ETS1: variants seen among roughly 807,000 people sequenced by gnomAD.
The protein encoded by ETS1 is ETS proto-oncogene 1, transcription factor.
In ETS1, 15 loss-of-function variants were observed where a neutral mutation model predicts 58.6. The ratio of observed to expected loss-of-function variants is 0.26; its 90% CI spans 0.17 to 0.39. The LOEUF (loss-of-function observed/expected upper bound fraction) is 0.39. ETS1 is among the 10% of genes least tolerant of loss of function. The pLI is 1.00. For synonymous variants in ETS1, 214 were observed against 218.2 expected, an observed-to-expected ratio of 0.98 and a Z score of 0.17; for missense variants, 417 against 610.5, an observed-to-expected ratio of 0.68 and a Z score of 3.34.
chr11:128,475,330 T>C (rs1862292627), intron 8 of ETS1, among the ~76,000 whole-genome samples: 1 of 152,370 alleles, frequency 6.6e-6, no homozygotes, highest in East Asian at 1.9e-4. Flanking sequence ...GCACTTCCTT[T>C]TGCAGTAAAG....
chr11:128,585,168 G>GAAAGAGAA (rs1181258711), intron 1 of ETS1, among the ~76,000 whole-genome samples: 14 of 8,380 alleles, frequency 1.7e-3, no homozygotes, highest in Non-Finnish European at 2.1e-3. Flanking sequence ...AAGAAAGAAA[G>GAAAGAGAA]AGAAAGAAAG....
At chr11:128,503,026 G>A (rs978317884) in intron 3 of ETS1, among the ~76,000 whole-genome samples, 2 of 152,172 alleles carry the variant, frequency 1.3e-5, no homozygotes, top group South Asian at 2.1e-4. Context: ...ATCTCCCAGA[G>A]GCAAGAAATT....
intron 8 of ETS1, among the ~76,000 whole-genome samples, chr11:128,476,294 A>T (rs949902942): frequency 6.6e-6 from 1 of 152,218 alleles, no homozygotes; most frequent in Non-Finnish European, 1.5e-5. Context: ...TCCCTCCCAC[A>T]TACCCCTAAC....
intron 3 of ETS1, among the ~76,000 whole-genome samples, chr11:128,508,555 A>T (rs766822171): frequency 4.6e-5 from 7 of 152,190 alleles, no homozygotes; most frequent in African/African-American, 9.7e-5. Flanking sequence ...CAGGGACTCA[A>T]TTACTTACTA....
intron 3 of ETS1, among the ~76,000 whole-genome samples, chr11:128,508,405 A>G (rs1449063609): frequency 2.6e-5 from 4 of 152,336 alleles, no homozygotes; most frequent in Middle Eastern, 3.4e-3. Context: ...TAATTTGTCT[A>G]AGGAAAAATT....
At position 128,471,291 on chromosome 11, in the gene ETS1, G is replaced by T. The variant is rs148278570; in HGVS notation, c.1124-7664C>A. Among the ~76,000 whole-genome samples the T allele has an allele frequency of 2.0e-5, 3 of 152,352 alleles. No homozygotes were observed. The East Asian group carries it at 5.8e-4, about 29-fold the overall frequency. ...CCCACCTGGAACAGGGTTAAGTGAG[G>T]CTTATTTGGCCAGTCTGACTTGGGT... is the stretch of plus-strand genomic sequence containing the variant. On this transcript the variant is annotated intron_variant, in intron 8 of 9. Transcript: ENST00000392668.
chr11:128,555,363 G>A lies in ETS1; in HGVS notation c.214+928C>T, dbSNP rs201006913. ...GGGTAAAATAACACTGAACCAAAAA[G>A]TAGCCTTCAAGTTAGTGACTCCCCC... On this transcript the variant is annotated intron_variant, in intron 3 of 9. Coordinates refer to ENST00000392668, the MANE Select transcript of ETS1 (RefSeq NM_001143820.2). Among the ~76,000 whole-genome samples the A allele has an allele frequency of 3.3e-5, 5 of 152,168 alleles. No individual in the cohort carries two copies. The East Asian group carries it at 9.6e-4, about 29-fold the overall frequency.
intron 3 of ETS1, among the ~76,000 whole-genome samples, chr11:128,520,218 A>G (rs1863628918): frequency 6.6e-6 from 1 of 152,220 alleles, no homozygotes; most frequent in Non-Finnish European, 1.5e-5. Flanking sequence ...CACCATATAC[A>G]TTGTCTCTAA....
intron 3 of ETS1, chr11:128,504,873 T>C (rs762490485): frequency 2.0e-5 from 3 of 152,250 alleles, no homozygotes; most frequent in Non-Finnish European, 4.4e-5. Flanking sequence ...ATAAATATGA[T>C]GGGATTTTAC....
At chr11:128,584,858 G>A (rs1864941769) in intron 1 of ETS1, among the ~76,000 whole-genome samples, 1 of 148,614 alleles carries the variant, frequency 6.7e-6, no homozygotes, top group Middle Eastern at 3.4e-3. Flanking sequence ...AGGGAGGAAA[G>A]GGAAGGAGGA....
chr11:128,517,860 G>GA (rs1378523638), intron 3 of ETS1, among the ~76,000 whole-genome samples: 13 of 150,588 alleles, frequency 8.6e-5, no homozygotes, highest in South Asian at 6.3e-4. Context: ...CTCTTTAAGA[G>GA]AAAAAAAAAG....
chr11:128,503,519 T>C (rs1205230112), intron 3 of ETS1, among the ~76,000 whole-genome samples: 1 of 152,192 alleles, frequency 6.6e-6, no homozygotes. Flanking sequence ...AACATACTAG[T>C]ACATCTTTCA....
At chr11:128,485,931 A>G in intron 6 of ETS1, 138 bp downstream of exon 6, 3 of 612,366 alleles carry the variant, frequency 4.9e-6, no homozygotes, top group Non-Finnish European at 8.7e-6. Flanking sequence ...AATAAAATAA[A>G]GTAACAAAGA....
intron 8 of ETS1, among the ~76,000 whole-genome samples, chr11:128,475,922 A>C: frequency 6.6e-6 from 1 of 152,068 alleles, no homozygotes; most frequent in East Asian, 1.9e-4. Flanking sequence ...ACACACACAA[A>C]AAAATTTGGA....
At chr11:128,550,025 G>A (rs963125217) in intron 3 of ETS1, among the ~76,000 whole-genome samples, 1 of 152,236 alleles carries the variant, frequency 6.6e-6, no homozygotes, top group Non-Finnish European at 1.5e-5. Flanking sequence ...GGTCCCCTGC[G>A]ATAGGCCACG....
chr11:128,463,888 T>G lies in ETS1; in HGVS notation c.1124-261A>C, dbSNP rs1861965940. On this transcript the variant is annotated intron_variant, in intron 8 of 9. Coordinates refer to ENST00000392668, the MANE Select transcript of ETS1 (RefSeq NM_001143820.2). The surrounding 1 kb of genome is among the most constrained non-coding windows in gnomAD (Gnocchi z 4.1). ...TGATTAACTTAAGGATCGGTTCATT[T>G]TTATTGCTAAACAAATTCTAGAAAG... is the stretch of plus-strand genomic sequence containing the variant. The G allele has an allele frequency of 4.0e-6, 1 of 250,640 alleles. No homozygotes were observed. The highest frequency in any genetic ancestry group is 7.7e-6 in the Non-Finnish European group (1 of 129,378). The allele number at this position is 250,640 out of a possible 1,614,324, so 15.5% of individuals were successfully genotyped here.
intron 3 of ETS1, among the ~76,000 whole-genome samples, chr11:128,546,196 AG>A (rs1462489013): frequency 6.6e-6 from 1 of 152,258 alleles, no homozygotes; most frequent in Non-Finnish European, 1.5e-5. Flanking sequence ...AGACTGGAGA[AG>A]TCTGAAAATG....
intron 3 of ETS1, among the ~76,000 whole-genome samples, chr11:128,518,843 G>A (rs966472713): frequency 6.6e-6 from 1 of 152,222 alleles, no homozygotes. Flanking sequence ...TGCTGAGGGC[G>A]GGTGGGGTGA....
chr11:128,538,337 A>G (rs990640886), intron 3 of ETS1, among the ~76,000 whole-genome samples: 4 of 152,186 alleles, frequency 2.6e-5, no homozygotes, highest in African/African-American at 9.7e-5. Flanking sequence ...TCCTATTTAG[A>G]GATGAGGAAA....
Sources: gnomAD v4.1 joint callset for allele counts (sites outside exome capture counted in the v4.1 genomes callset) on GRCh38, gnomAD v4.1.1 for gene constraint, Gnocchi (gnomAD v3.1) non-coding constraint, MANE v1.5 for transcripts, NCBI Gene and HGNC (gene_info 2026-07-23, HGNC 2026-07-21) for gene names.